The following ARFGEF3 variants were observed in gnomAD, a reference collection of about 807,000 sequenced individuals.
The protein encoded by ARFGEF3 is ARFGEF family member 3.
A neutral mutation model predicts 221.7 loss-of-function variants in ARFGEF3; 96 were observed. The ratio of observed to expected loss-of-function variants is 0.43; its 90% CI spans 0.37 to 0.51. The LOEUF (loss-of-function observed/expected upper bound fraction) is 0.51. ARFGEF3 is among the 20% of genes least tolerant of loss of function. The pLI is 0.00. For missense variants in ARFGEF3, 2,410 were observed against 2,789.9 expected (o/e 0.86, Z 3.07); for synonymous variants, 1,145 against 1,126.8 (o/e 1.02, Z -0.32).
At chr6:138,325,494 G>A (rs1306531805) in intron 31 of ARFGEF3, among the ~76,000 whole-genome samples, 4 of 152,194 alleles carry the variant, frequency 2.6e-5, no homozygotes, top group Admixed American at 6.5e-5. Context: ...TGAAGCCTCC[G>A]TGGCCAGTCT....
intron 31 of ARFGEF3, among the ~76,000 whole-genome samples, chr6:138,325,401 T>A (rs994788051): frequency 5.3e-5 from 8 of 152,220 alleles, no homozygotes; most frequent in African/African-American, 1.9e-4. Context: ...CTACCTTCAG[T>A]TTCTCACATC....
chr6:138,283,046 G>A (rs997316231), intron 14 of ARFGEF3, among the ~76,000 whole-genome samples: 6 of 150,884 alleles, frequency 4.0e-5, no homozygotes, highest in Non-Finnish European at 5.9e-5. Context: ...GCGAGACTCT[G>A]TCTTTTTAAA....
At chr6:138,281,389 TG>T (rs1200473383) in intron 14 of ARFGEF3, among the ~76,000 whole-genome samples, 1 of 152,236 alleles carries the variant, frequency 6.6e-6, no homozygotes, top group Non-Finnish European at 1.5e-5. Context: ...TGCATGATGC[TG>T]AGGTTTGGGG....
chr6:138,291,872 C>G lies in ARFGEF3; in HGVS notation c.3187C>G (p.Pro1063Ala). Residue 1063 changes from proline (P) to alanine (A), a missense_variant, in exon 19 of 34, where the codon CCC becomes GCC. This residue lies in a region of ARFGEF3 where 184 missense variants were observed against 141.8 expected (regional missense o/e 1.30). Coordinates refer to ENST00000251691, the MANE Select transcript of ARFGEF3 (RefSeq NM_020340.5). The surrounding 1 kb of genome is among the most constrained non-coding windows in gnomAD (Gnocchi z 4.5). ...LGDPECEGSPPEHSPEQGRSL... is the reference protein window; with the variant it reads ...LGDPECEGSPAEHSPEQGRSL... ...GGACCCCGAGTGTGAGGGCTCGCCC[C>G]CCGAGCACAGCCCGGAGCAGGGGCG... 6.7e-7 allele frequency: 1 copy of G among 1,499,422 alleles called. No individual in the cohort carries two copies. Among genetic ancestry groups the G allele is most frequent in the Non-Finnish European group, 8.9e-7 (1 of 1,119,970 alleles). 92.9% of individuals were successfully genotyped at this position (1,499,422 alleles called of 1,614,324 possible). A position where few individuals can be genotyped will look rare whatever the true frequency, so the allele number is the denominator to read the frequency against.
chr6:138,235,152 G>T (rs576209413), intron 5 of ARFGEF3, among the ~76,000 whole-genome samples: 11 of 152,226 alleles, frequency 7.2e-5, no homozygotes, highest in Non-Finnish European at 4.4e-5. Context: ...TATTTCTTAT[G>T]TATGGCCTGC....
intron 8 of ARFGEF3, among the ~76,000 whole-genome samples, chr6:138,251,476 C>T (rs1015763788): frequency 1.3e-5 from 2 of 152,128 alleles, no homozygotes; most frequent in Non-Finnish European, 2.9e-5. Flanking sequence ...TCTGATTTGT[C>T]CTGTCCACTC....
intron 23 of ARFGEF3, among the ~76,000 whole-genome samples, chr6:138,307,633 T>A (rs1307498177): frequency 1.3e-5 from 2 of 152,208 alleles, no homozygotes; most frequent in Non-Finnish European, 1.5e-5. Context: ...CTGAGAGACT[T>A]CTGTTGTTTC....
intron 32 of ARFGEF3, among the ~76,000 whole-genome samples, chr6:138,333,737 C>A (rs77606474): frequency 1.3e-5 from 2 of 152,120 alleles, no homozygotes; most frequent in African/African-American, 4.8e-5. Context: ...CCACCGCGCT[C>A]GGCCCAGCTT....
At chr6:138,181,912 G>A (rs1243375165) in intron 2 of ARFGEF3, among the ~76,000 whole-genome samples, 1 of 152,154 alleles carries the variant, frequency 6.6e-6, no homozygotes, top group Non-Finnish European at 1.5e-5. Context: ...TTTAAAAATG[G>A]ATCCCAAATG....
chr6:138,295,536 A>G (rs1307099856), intron 20 of ARFGEF3, among the ~76,000 whole-genome samples: 1 of 151,256 alleles, frequency 6.6e-6, no homozygotes, highest in African/African-American at 2.4e-5. Flanking sequence ...AGGCTGAGAC[A>G]GGAGAATTGC....
chr6:138,303,873 A>AAAT lies in ARFGEF3; in HGVS notation c.3829-3378_3829-3377insTAA, dbSNP rs1562385892. ...GAGACTCCGTCTCAAAAAAAAAAAA[A>AAAT]AAAAAAAAAAAAAAAGATAATAGCA... On this transcript the variant is annotated intron_variant, in intron 22 of 33. Coordinates refer to ENST00000251691, the MANE Select transcript of ARFGEF3 (RefSeq NM_020340.5). Among the ~76,000 whole-genome samples the AAAT allele has an allele frequency of 2.7e-5, 4 of 148,882 alleles. 1 individual carries two copies. Among genetic ancestry groups the AAAT allele is most frequent in the South Asian group, 2.1e-4 (1 of 4,714 alleles).
intron 13 of ARFGEF3, 78 bp downstream of exon 13, chr6:138,278,695 G>A (rs1779144043): frequency 3.4e-6 from 5 of 1,479,758 alleles, no homozygotes; most frequent in Non-Finnish European, 4.6e-6. Context: ...TCAGTGCCCT[G>A]AGTGGGATGG....
At chr6:138,315,676 C>A (rs1056513212) in intron 26 of ARFGEF3, among the ~76,000 whole-genome samples, 4 of 151,966 alleles carry the variant, frequency 2.6e-5, no homozygotes, top group Admixed American at 1.3e-4. Context: ...ATGGTGAAAC[C>A]CAGTATCTAC....
At chr6:138,213,275 G>A (rs1458639582) in intron 4 of ARFGEF3, among the ~76,000 whole-genome samples, 5 of 142,762 alleles carry the variant, frequency 3.5e-5, no homozygotes, top group Admixed American at 7.0e-5. Context: ...GCGACAGAGC[G>A]AGACTCCATC....
At chr6:138,330,506 T>A (rs1310083908) in intron 32 of ARFGEF3, among the ~76,000 whole-genome samples, 1 of 152,152 alleles carries the variant, frequency 6.6e-6, no homozygotes, top group Admixed American at 6.5e-5. Flanking sequence ...TCTGGGTGAT[T>A]TGTCCAAAGT....
intron 2 of ARFGEF3, among the ~76,000 whole-genome samples, chr6:138,188,767 G>A (rs1055399690): frequency 2.0e-5 from 3 of 152,166 alleles, no homozygotes; most frequent in African/African-American, 7.2e-5. Context: ...CTACTTGTTG[G>A]GCAGGTTAAT....
chr6:138,236,577 G>A (rs1165158101), intron 5 of ARFGEF3, among the ~76,000 whole-genome samples: 3 of 152,172 alleles, frequency 2.0e-5, no homozygotes, highest in Non-Finnish European at 4.4e-5. Flanking sequence ...CCAGGCTGAG[G>A]TGATCCTCCC....
At chr6:138,242,821 G>A in intron 6 of ARFGEF3, 131 bp from the exon 7 acceptor site, 1 of 683,574 alleles carries the variant, frequency 1.5e-6, no homozygotes, top group Non-Finnish European at 2.6e-6. Context: ...GGTAGGGGTG[G>A]GCTCAGGCAA....
rs1164308106 is a variant in ARFGEF3 at position 138,262,934 on chromosome 6, G to A, written c.1451G>A (p.Arg484Gln). The A allele has an allele frequency of 1.7e-5, 27 of 1,604,754 alleles. No homozygotes were observed. Among genetic ancestry groups the A allele is most frequent in the Non-Finnish European group, 1.9e-5 (22 of 1,175,546 alleles). ...GAGGCTGACTTCCGCTGGCAGCGGC[G>A]AGTGCTGTCCTCAGAACACACGCCG... ...INEADFRWQR[R>Q]VLSSEHTPWE... Residue 484 changes from arginine to glutamine, a missense_variant, in exon 12 of 34, where the codon CGA becomes CAA. This residue lies in a region of ARFGEF3 where 594 missense variants were observed against 734.3 expected (regional missense o/e 0.81). Coordinates refer to ENST00000251691, the MANE Select transcript of ARFGEF3 (RefSeq NM_020340.5).
Sources: gnomAD v4.1 joint callset for allele counts (sites outside exome capture counted in the v4.1 genomes callset) on GRCh38, gnomAD v4.1.1 for gene constraint, gnomAD v4.1.1 regional missense constraint, Gnocchi (gnomAD v3.1) non-coding constraint, MANE v1.5 for transcripts, NCBI Gene and HGNC (gene_info 2026-07-23, HGNC 2026-07-21) for gene names.